Variants in LRRC4C observed in about 807,000 individuals in gnomAD.
LRRC4C encodes leucine rich repeat containing 4C, also known as leucine-rich repeat-containing protein 4C.
A neutral mutation model predicts 33.6 loss-of-function variants in LRRC4C; 5 were observed. That is an observed-to-expected ratio of 0.15 (90% CI 0.08 to 0.31). The LOEUF (loss-of-function observed/expected upper bound fraction) is 0.31, where lower values mean the gene tolerates loss of function less well. LRRC4C is among the 10% of genes least tolerant of loss of function. LRRC4C has a pLI of 1.00. For synonymous variants in LRRC4C, 329 were observed against 302.0 expected, an observed-to-expected ratio of 1.09 and a Z score of -0.93; for missense variants, 560 against 796.7, an observed-to-expected ratio of 0.70 and a Z score of 3.58.
chr11:40,388,471 T>C (rs1185509109), intron 3 of LRRC4C, among the ~76,000 whole-genome samples: 1 of 152,154 alleles, frequency 6.6e-6, no homozygotes, highest in African/African-American at 2.4e-5. Context: ...ACATTCTTCC[T>C]GATAGCCCTT....
At chr11:40,403,710 T>C (rs188002598) in intron 3 of LRRC4C, among the ~76,000 whole-genome samples, 135 of 152,260 alleles carry the variant, frequency 8.9e-4, no homozygotes, top group South Asian at 1.4e-3. Context: ...AAATGGTTTT[T>C]TGTTTATACC....
intron 2 of LRRC4C, among the ~76,000 whole-genome samples, chr11:40,702,016 T>A (rs185582526): frequency 9.9e-5 from 15 of 152,066 alleles, no homozygotes; most frequent in Admixed American, 2.6e-4. Flanking sequence ...CCAAATATTT[T>A]AAAAAAATTT....
At chr11:41,047,292 A>G (rs1239334651) in intron 1 of LRRC4C, among the ~76,000 whole-genome samples, 3 of 152,142 alleles carry the variant, frequency 2.0e-5, no homozygotes, top group Admixed American at 2.0e-4. Flanking sequence ...AATCAAAACC[A>G]CAAGATGCCA....
intron 1 of LRRC4C, among the ~76,000 whole-genome samples, chr11:41,353,897 A>G (rs891431674): frequency 2.0e-5 from 3 of 152,136 alleles, no homozygotes; most frequent in African/African-American, 7.2e-5. Flanking sequence ...ACAGCCATCT[A>G]TCTCAAACCC....
At chr11:41,421,589 C>T (rs1235363302) in intron 1 of LRRC4C, among the ~76,000 whole-genome samples, 1 of 151,990 alleles carries the variant, frequency 6.6e-6, no homozygotes, top group Non-Finnish European at 1.5e-5. Flanking sequence ...TAACAAATGT[C>T]TCTTGCTAAA....
intron 3 of LRRC4C, among the ~76,000 whole-genome samples, chr11:40,635,698 G>A (rs1320883433): frequency 1.4e-5 from 2 of 144,494 alleles, no homozygotes; most frequent in African/African-American, 2.6e-5. Flanking sequence ...GTGCAGTGGC[G>A]CGATCTCGGC....
chr11:41,444,083 G>A (rs1374540), intron 1 of LRRC4C, among the ~76,000 whole-genome samples: 2,531 of 152,042 alleles, frequency 0.017, 30 homozygotes, highest in African/African-American at 0.023. Context: ...AGGAATTTCC[G>A]AACCTCTAAT....
chr11:40,981,475 G>C (rs1852534311), intron 1 of LRRC4C, among the ~76,000 whole-genome samples: 1 of 152,058 alleles, frequency 6.6e-6, no homozygotes, highest in Non-Finnish European at 1.5e-5. Context: ...TTCTTCAGGA[G>C]AGTATTATTG....
chr11:40,804,310 A>G (rs1004881863), intron 2 of LRRC4C, among the ~76,000 whole-genome samples: 1 of 152,192 alleles, frequency 6.6e-6, no homozygotes, highest in South Asian at 2.1e-4. Context: ...AAAATGCAAA[A>G]ATATTCACTA....
At chr11:40,671,371 A>G (rs1430021344) in intron 2 of LRRC4C, among the ~76,000 whole-genome samples, 1 of 152,170 alleles carries the variant, frequency 6.6e-6, no homozygotes, top group Non-Finnish European at 1.5e-5. Context: ...GGCTTAAGGG[A>G]GAGGACAGAA....
At chr11:41,040,320 A>T (rs1484300569) in intron 1 of LRRC4C, among the ~76,000 whole-genome samples, 1 of 129,922 alleles carries the variant, frequency 7.7e-6, no homozygotes, top group Non-Finnish European at 1.7e-5. Context: ...TGCATATTTA[A>T]AAAAATCAAG....
At chr11:40,994,020 C>T (rs1016527628) in intron 1 of LRRC4C, among the ~76,000 whole-genome samples, 1 of 150,510 alleles carries the variant, frequency 6.6e-6, no homozygotes. Context: ...CTGTTACTTT[C>T]GGCTCCTTTT....
intron 2 of LRRC4C, among the ~76,000 whole-genome samples, chr11:40,828,107 C>T (rs961943423): frequency 6.6e-6 from 1 of 150,558 alleles, no homozygotes; most frequent in African/African-American, 2.4e-5. Flanking sequence ...TATACTTGAA[C>T]AAAACGATAT....
At chr11:40,730,299 T>C (rs1378621414) in intron 2 of LRRC4C, among the ~76,000 whole-genome samples, 1 of 152,180 alleles carries the variant, frequency 6.6e-6, no homozygotes, top group East Asian at 1.9e-4. Flanking sequence ...TTTGGCCAAC[T>C]GTAGGACCTA....
chr11:40,963,543 T>C (rs1851116628), intron 1 of LRRC4C, among the ~76,000 whole-genome samples: 1 of 151,780 alleles, frequency 6.6e-6, no homozygotes, highest in Non-Finnish European at 1.5e-5. Flanking sequence ...TGCCTTACAA[T>C]ATAGCTCAAA....
chr11:41,307,162 A>G (rs1409657195), intron 1 of LRRC4C, among the ~76,000 whole-genome samples: 1 of 152,194 alleles, frequency 6.6e-6, no homozygotes, highest in African/African-American at 2.4e-5. Context: ...TGAAGGGGAA[A>G]AAGTCAAAAT....
chr11:40,567,734 G>A (rs2135546073), intron 3 of LRRC4C, among the ~76,000 whole-genome samples: 1 of 152,306 alleles, frequency 6.6e-6, no homozygotes, highest in East Asian at 1.9e-4. Context: ...CTAAGAGTCA[G>A]ATAAGACATA....
At position 40,451,287 on chromosome 11, in the gene LRRC4C, A is replaced by G. The variant is rs189596335; in HGVS notation, c.-269-131566T>C. Among the ~76,000 whole-genome samples the G allele has an allele frequency of 2.7e-4, 41 of 151,492 alleles. 1 individual carries two copies. Among genetic ancestry groups the G allele is most frequent in the Admixed American group, 4.6e-4 (7 of 15,190 alleles). On this transcript the variant is annotated intron_variant, in intron 3 of 6. Transcript: ENST00000528697. ...ATAAGCCTTTAGTTAAATAACCAAAACAAAAAAGAAATAAGACTCAAATTA... is the reference window on the plus strand; with the variant it reads ...ATAAGCCTTTAGTTAAATAACCAAAGCAAAAAAGAAATAAGACTCAAATTA...
chr11:40,718,562 G>T (rs1165160671), intron 2 of LRRC4C, among the ~76,000 whole-genome samples: 1 of 152,146 alleles, frequency 6.6e-6, no homozygotes, highest in Admixed American at 6.5e-5. Context: ...TCACCTGCCA[G>T]TTATGTATTT....
Sources: allele counts gnomAD v4.1 joint callset (sites outside exome capture counted in the v4.1 genomes callset), GRCh38; gene constraint gnomAD v4.1.1; transcripts MANE v1.5; gene names NCBI Gene and HGNC (gene_info 2026-07-23, HGNC 2026-07-21).